ITGB3: variants seen among roughly 807,000 people sequenced by gnomAD.
ITGB3 encodes integrin beta-3.
Under a neutral mutation model 85.8 loss-of-function variants are expected in ITGB3, and 48 were observed. The observed-to-expected ratio is 0.56, with a 90% CI of 0.44 to 0.71. The LOEUF (loss-of-function observed/expected upper bound fraction) is 0.71, where lower values mean the gene tolerates loss of function less well. Among genes scored for constraint, ITGB3 ranks in the 30% least tolerant of loss-of-function variants. The pLI is 0.00. For missense variants in ITGB3, 861 were observed against 1,019.1 expected, an observed-to-expected ratio of 0.84 and a Z score of 2.11; for synonymous variants, 363 against 395.6, an observed-to-expected ratio of 0.92 and a Z score of 0.98.
chr17:47,254,123 G>A (rs943141711), intron 1 of ITGB3, among the ~76,000 whole-genome samples, 183 bp downstream of exon 1: 1 of 152,168 alleles, frequency 6.6e-6, no homozygotes, highest in African/African-American at 2.4e-5. Context: ...GGCGGTGGCG[G>A]GGCTGAGAGG....
intron 1 of ITGB3, among the ~76,000 whole-genome samples, chr17:47,261,809 C>T (rs982496232): frequency 3.3e-5 from 5 of 152,184 alleles, no homozygotes; most frequent in Non-Finnish European, 7.3e-5. Context: ...CATAAGCCAC[C>T]GCACCTGGCC....
chr17:47,268,879 C>T (rs2143053113), intron 1 of ITGB3, among the ~76,000 whole-genome samples: 1 of 152,360 alleles, frequency 6.6e-6, no homozygotes, highest in East Asian at 1.9e-4. Flanking sequence ...AGCAGAGGCT[C>T]TCCATGAGGG....
intron 13 of ITGB3, 73 bp downstream of exon 13, chr17:47,302,913 A>G (rs1050531622): frequency 1.3e-6 from 2 of 1,573,756 alleles, no homozygotes; most frequent in African/African-American, 1.3e-5. Flanking sequence ...AGGAATCTCT[A>G]CTCATCGAAG....
chr17:47,297,448 G>A (rs1371637178), intron 10 of ITGB3, among the ~76,000 whole-genome samples: 1 of 152,208 alleles, frequency 6.6e-6, no homozygotes, highest in Non-Finnish European at 1.5e-5. Flanking sequence ...CTGAGGTCAG[G>A]AGTTCAAGGT....
chr17:47,298,081 G>A (rs922647668), intron 10 of ITGB3, among the ~76,000 whole-genome samples: 1 of 152,086 alleles, frequency 6.6e-6, no homozygotes, highest in African/African-American at 2.4e-5. Flanking sequence ...AGAAAGACAG[G>A]TTGTGTTGGT....
intron 1 of ITGB3, among the ~76,000 whole-genome samples, chr17:47,266,247 A>G (rs2065024701): frequency 6.6e-6 from 1 of 152,178 alleles, no homozygotes; most frequent in Admixed American, 6.5e-5. Flanking sequence ...ATAGATGTCC[A>G]TAGTGTTAGT....
At chr17:47,273,480 AT>A (rs1239985325) in intron 1 of ITGB3, among the ~76,000 whole-genome samples, 2 of 152,248 alleles carry the variant, frequency 1.3e-5, no homozygotes. Flanking sequence ...GTCTAAGCAG[AT>A]GCCTGGGTTT....
Position 47,300,538 on chromosome 17 carries a change from C to A in ITGB3, c.1974C>A (p.Asn658Lys), listed in dbSNP as rs1418102941. ...CCCTACATGACGAAAATACCTGCAA[C>A]CGTTACTGCCGTGACGAGATTGAGT... ...RGALHDENTC[N>K]RYCRDEIESV... is the part of the protein sequence containing the mutation. Residue 658 changes from asparagine to lysine, a missense_variant, in exon 12 of 15, where the codon AAC becomes AAA. Coordinates refer to ENST00000559488, the MANE Select transcript of ITGB3 (RefSeq NM_000212.3). 2 of 1,614,144 alleles carry A rather than the reference C, an allele frequency of 1.2e-6. No individual in the cohort carries two copies. Among genetic ancestry groups the A allele is most frequent in the East Asian group, 2.2e-5 (1 of 44,894 alleles).
intron 10 of ITGB3, among the ~76,000 whole-genome samples, chr17:47,293,646 A>G (rs1195398312): frequency 2.7e-5 from 4 of 150,906 alleles, no homozygotes; most frequent in African/African-American, 4.9e-5. Context: ...GTCTTGCTCT[A>G]TCGCCAGGCT....
In ITGB3 at chr17:47,268,645, T is replaced by G. The variant is rs12453200; in HGVS notation, c.80-5774T>G. Among the ~76,000 whole-genome samples the G allele has an allele frequency of 4.4e-3, 671 of 152,358 alleles. 4 individuals carry two copies. Among genetic ancestry groups the G allele is most frequent in the African/African-American group, 0.015 (641 of 41,586 alleles). ...GTGGTCTCCCATGGCTTTGGGCAGC[T>G]CCACCCTTGTGGCTTTGCAGGGTAC... On this transcript the variant is annotated intron_variant, in intron 1 of 14. Transcript: ENST00000559488.
intron 6 of ITGB3, 88 bp from the exon 7 acceptor site, chr17:47,289,593 C>T (rs55890030): frequency 2.1e-6 from 2 of 959,238 alleles, no homozygotes; most frequent in East Asian, 4.8e-5. Context: ...ACACTCTGAG[C>T]CACAGCCCAA....
chr17:47,260,060 G>T (rs1002482311), intron 1 of ITGB3, among the ~76,000 whole-genome samples: 1 of 146,618 alleles, frequency 6.8e-6, no homozygotes, highest in South Asian at 2.3e-4. Context: ...ATTTCCCCTC[G>T]CATTTATGTT....
At chr17:47,300,631 A>G in intron 12 of ITGB3, 53 bp downstream of exon 12, 3 of 1,348,082 alleles carry the variant, frequency 2.2e-6, no homozygotes, top group Non-Finnish European at 2.1e-6. Flanking sequence ...AATGTTTCTA[A>G]TTCAATCCCA....
chr17:47,278,664 T>C (rs2143078607), intron 2 of ITGB3, among the ~76,000 whole-genome samples: 1 of 152,276 alleles, frequency 6.6e-6, no homozygotes, highest in African/African-American at 2.4e-5. Context: ...TCCTAGTCCA[T>C]GGCCTGTTAG....
intron 13 of ITGB3, among the ~76,000 whole-genome samples, chr17:47,303,142 T>G (rs925546125): frequency 6.6e-6 from 1 of 151,832 alleles, no homozygotes; most frequent in Non-Finnish European, 1.5e-5. Flanking sequence ...TCCAGCTCCT[T>G]GGGAGGCTGA....
At chr17:47,286,719 G>C (rs1481583550) in intron 5 of ITGB3, among the ~76,000 whole-genome samples, 3 of 152,208 alleles carry the variant, frequency 2.0e-5, no homozygotes, top group Admixed American at 2.0e-4. Flanking sequence ...AGCAAAGTAG[G>C]CAGATGTTCA....
chr17:47,293,708 A>G (rs917008467), intron 10 of ITGB3, among the ~76,000 whole-genome samples: 3 of 152,080 alleles, frequency 2.0e-5, no homozygotes, highest in African/African-American at 7.2e-5. Context: ...TCCCAGTTCA[A>G]GCAATTCTCC....
chr17:47,274,913 G>A (rs2065057664), intron 2 of ITGB3, among the ~76,000 whole-genome samples: 1 of 152,128 alleles, frequency 6.6e-6, no homozygotes, highest in African/African-American at 2.4e-5. Context: ...CAATGTGCTG[G>A]GATTTCATGT....
At chr17:47,297,349 C>T (rs1318082768) in intron 10 of ITGB3, among the ~76,000 whole-genome samples, 1 of 152,066 alleles carries the variant, frequency 6.6e-6, no homozygotes, top group Non-Finnish European at 1.5e-5. Context: ...AAAAGGATAA[C>T]ATACTAAAGA....
Sources: gnomAD v4.1 joint callset for allele counts (sites outside exome capture counted in the v4.1 genomes callset) on GRCh38, gnomAD v4.1.1 for gene constraint, MANE v1.5 for transcripts, NCBI Gene and HGNC (gene_info 2026-07-23, HGNC 2026-07-21) for gene names.